Variants in ASAP2 observed in about 807,000 individuals in gnomAD.
The protein encoded by ASAP2 is ArfGAP with SH3 domain, ankyrin repeat and PH domain 2.
ASAP2 carries 45 observed loss-of-function variants against 131.4 expected under a neutral mutation model. That is an observed-to-expected ratio of 0.34 (90% CI 0.27 to 0.44). ASAP2 has a LOEUF of 0.44. ASAP2 is among the 20% of genes least tolerant of loss of function. The probability of loss-of-function intolerance (pLI) is 1.00; values close to 1 mark genes in which losing one functional copy is unlikely to be tolerated. For synonymous variants in ASAP2, 510 were observed against 503.0 expected (o/e 1.01, Z -0.19); for missense variants, 1,011 against 1,297.0 (o/e 0.78, Z 3.39).
intron 2 of ASAP2, among the ~76,000 whole-genome samples, chr2:9,291,602 A>G (rs144598595): frequency 1.0e-3 from 155 of 152,322 alleles, no homozygotes; most frequent in African/African-American, 3.2e-3. Flanking sequence ...AGTCTCCACC[A>G]GGCTGCTGCC....
chr2:9,299,679 A>G (rs368261721), intron 3 of ASAP2, among the ~76,000 whole-genome samples: 10 of 152,238 alleles, frequency 6.6e-5, no homozygotes, highest in South Asian at 2.1e-4. Context: ...CTGACGACGT[A>G]GGAGACGGGT....
intron 2 of ASAP2, among the ~76,000 whole-genome samples, chr2:9,284,082 T>C (rs1449391275): frequency 6.6e-6 from 1 of 152,200 alleles, no homozygotes; most frequent in Non-Finnish European, 1.5e-5. Flanking sequence ...ATCCAGATAA[T>C]CTCCCCATCT....
chr2:9,241,312 T>G (rs1426546511), intron 1 of ASAP2, among the ~76,000 whole-genome samples: 1 of 152,272 alleles, frequency 6.6e-6, no homozygotes, highest in Non-Finnish European at 1.5e-5. Context: ...AGAACATTAA[T>G]TCTTTGTTTT....
chr2:9,311,953 C>CT lies in ASAP2; in HGVS notation c.346-6568dup, dbSNP rs1393229114. The stretch of plus-strand genomic sequence containing the variant: ...AGGCTGATGTCCAGGAGTCTGGAAG[C>CT]TTTATTAGTGAAGCCATCGATGGGG... On this transcript the variant is annotated intron_variant, in intron 3 of 27. Coordinates refer to ENST00000281419, the MANE Select transcript of ASAP2 (RefSeq NM_003887.3). The surrounding 1 kb of genome is among the most constrained non-coding windows in gnomAD (Gnocchi z 5.2). Among the ~76,000 whole-genome samples the CT allele has an allele frequency of 2.6e-5, 4 of 152,206 alleles. No homozygotes were observed. Among genetic ancestry groups the CT allele is most frequent in the Admixed American group, 2.6e-4 (4 of 15,286 alleles).
chr2:9,283,721 G>T (rs959298485), intron 2 of ASAP2, among the ~76,000 whole-genome samples: 1 of 152,208 alleles, frequency 6.6e-6, no homozygotes, highest in African/African-American at 2.4e-5. Flanking sequence ...CAAGATCAGG[G>T]TGTCAGTGTG....
Position 9,401,333 on chromosome 2 carries a change from T to C in ASAP2, c.2883T>C (p.Asp961=), listed in dbSNP as rs747876261. The change falls in exon 27 of 28, where the codon GAT becomes GAC. Residue 961 remains aspartate, a synonymous_variant. Coordinates refer to ENST00000281419, the MANE Select transcript of ASAP2 (RefSeq NM_003887.3). ...ALYNCVADNP[D]ELTFSEGDVI... ...ATAACTGTGTGGCTGACAACCCCGA[T>C]GAGCTCACCTTCTCCGAGGGGGATG... 3.1e-6 allele frequency: 5 copies of C among 1,613,448 alleles called. No individual in the cohort carries two copies. Among genetic ancestry groups the C allele is most frequent in the Non-Finnish European group, 3.4e-6 (4 of 1,179,922 alleles).
rs1662157836 is a variant in ASAP2 at position 9,217,802 on chromosome 2, G to A, written c.126+10572G>A. ...GCTAATTTTTGGTATTTTTAGTAGA[G>A]ACGGGGTTTCACTGTGTTAGCCAGG... On this transcript the variant is annotated intron_variant, in intron 1 of 27. Transcript: ENST00000281419. This position sits in a 1 kb window ranked among gnomAD's most constrained non-coding sequence, Gnocchi z 4.0. Among the ~76,000 whole-genome samples the A allele has an allele frequency of 6.6e-6, 1 of 151,774 alleles. No homozygotes were observed.
intron 1 of ASAP2, among the ~76,000 whole-genome samples, chr2:9,269,396 C>T (rs887377620): frequency 1.8e-4 from 28 of 152,172 alleles, no homozygotes; most frequent in Admixed American, 1.6e-3. Context: ...TCCCGCAGGC[C>T]GTGTGTGCCC....
intron 2 of ASAP2, among the ~76,000 whole-genome samples, chr2:9,295,508 C>T (rs1320912972): frequency 6.6e-6 from 1 of 152,216 alleles, no homozygotes; most frequent in Non-Finnish European, 1.5e-5. Flanking sequence ...TTGAGAGCAT[C>T]TCCCAGCAGG....
At chr2:9,239,176 GT>G (rs1264831687) in intron 1 of ASAP2, among the ~76,000 whole-genome samples, 3 of 152,170 alleles carry the variant, frequency 2.0e-5, no homozygotes, top group Non-Finnish European at 4.4e-5. Flanking sequence ...TGACCATATG[GT>G]TTCCCTTTTT....
chr2:9,251,287 G>A (rs1323308455), intron 1 of ASAP2, among the ~76,000 whole-genome samples: 6 of 152,144 alleles, frequency 3.9e-5, no homozygotes, highest in Non-Finnish European at 5.9e-5. Context: ...AGGTTGTGAG[G>A]GTGGGGCTGG....
chr2:9,211,411 G>A (rs1424445627), intron 1 of ASAP2, among the ~76,000 whole-genome samples: 3 of 150,240 alleles, frequency 2.0e-5, no homozygotes, highest in African/African-American at 2.5e-5. Context: ...TCGTTTCTTC[G>A]AGCCTCTGGG....
intron 1 of ASAP2, among the ~76,000 whole-genome samples, chr2:9,230,663 G>A (rs952377897): frequency 1.3e-5 from 2 of 152,162 alleles, no homozygotes. Context: ...CGAGGAGGAC[G>A]GTCCATGTTT....
At chr2:9,398,327 T>C (rs892275359) in intron 24 of ASAP2, among the ~76,000 whole-genome samples, 3 of 150,746 alleles carry the variant, frequency 2.0e-5, no homozygotes, top group Admixed American at 2.0e-4. Context: ...CTGGAAAACA[T>C]AGTGAGACCA....
chr2:9,231,062 A>G (rs1663127311), intron 1 of ASAP2, among the ~76,000 whole-genome samples: 1 of 152,128 alleles, frequency 6.6e-6, no homozygotes, highest in Non-Finnish European at 1.5e-5. Flanking sequence ...TATGTCGGTC[A>G]CTTTCCCCAG....
At chr2:9,267,880 A>G (rs542549152) in intron 1 of ASAP2, among the ~76,000 whole-genome samples, 1 of 144,080 alleles carries the variant, frequency 6.9e-6, no homozygotes, top group African/African-American at 2.6e-5. Context: ...CCTGAGCAAC[A>G]GAGCAAGACT....
intron 2 of ASAP2, among the ~76,000 whole-genome samples, chr2:9,296,899 CAG>C (rs1668186247): frequency 6.6e-6 from 1 of 152,184 alleles, no homozygotes; most frequent in Admixed American, 6.5e-5. Context: ...GGCTCTGAAT[CAG>C]AGTCCTGGGC....
At chr2:9,393,361 GTT>G in intron 23 of ASAP2, 119 bp from the exon 24 acceptor site, 1 of 920,016 alleles carries the variant, frequency 1.1e-6, no homozygotes, top group East Asian at 3.0e-5. Context: ...ATAGCAGCAG[GTT>G]TTTCCTTAGG....
chr2:9,355,520 A>G (rs2715866), intron 12 of ASAP2, among the ~76,000 whole-genome samples: 56,616 of 151,950 alleles, frequency 0.37, 11,676 homozygotes, highest in African/African-American at 0.55. Flanking sequence ...CTGTGCTGAC[A>G]CCAGCAGTAT....
Sources: gnomAD v4.1 joint callset for allele counts (sites outside exome capture counted in the v4.1 genomes callset) on GRCh38, gnomAD v4.1.1 for gene constraint, Gnocchi (gnomAD v3.1) non-coding constraint, MANE v1.5 for transcripts, NCBI Gene and HGNC (gene_info 2026-07-23, HGNC 2026-07-21) for gene names.